C16orf46: variants seen among roughly 807,000 people sequenced by gnomAD.
C16orf46 encodes the protein uncharacterized protein C16orf46.
Under a neutral mutation model 5.5 loss-of-function variants are expected in C16orf46, and 7 were observed. The observed-to-expected ratio is 1.28, with a 90% confidence interval of 0.73 to 2.40. The LOEUF is 2.40. C16orf46 is among the 30% of genes most tolerant of loss of function. The pLI is 0.00. For missense variants in C16orf46, 614 were observed against 476.0 expected (o/e 1.29, Z -2.70); for synonymous variants, 200 against 184.1 (o/e 1.09, Z -0.70).
downstream of C16orf46, among the ~76,000 whole-genome samples, chr16:81,059,915 A>G (rs576259548): frequency 3.3e-5 from 5 of 151,696 alleles, no homozygotes; most frequent in South Asian, 1.0e-3. Flanking sequence ...CAGCCTCCTG[A>G]GTAGCTGGGA....
At chr16:81,073,447 G>A (rs747067406) in intron 1 of C16orf46, among the ~76,000 whole-genome samples, 7 of 152,164 alleles carry the variant, frequency 4.6e-5, no homozygotes, top group African/African-American at 1.4e-4. Context: ...GAAAGATAAC[G>A]TGGTAGGCAG....
rs369420529 is a variant in C16orf46, at chr16:81,063,920, T to A, written c.36A>T (p.Glu12Asp). ...DLCQKNETDL[E>D]NAENNEIQFT... is the part of the protein sequence containing the mutation. ...ACTGAATTTCATTATTTTCAGCATT[T>A]TCTAAGTCAGTCTCATTTTTCTGAC... The change falls in exon 3 of 4, where the codon GAA (glutamate) becomes GAT (aspartate). Residue 12 changes from glutamate to aspartate, a missense_variant. Glu to Asp is a conservative substitution (Grantham distance 45). Transcript: ENST00000299578. 4.3e-6 allele frequency: 7 copies of A among 1,613,572 alleles called. No individual in the cohort carries two copies. In the African/African-American group the frequency reaches 8.0e-5, roughly 18 times the overall value.
At chr16:81,067,669 C>T (rs1270582592) in intron 1 of C16orf46, among the ~76,000 whole-genome samples, 1 of 152,122 alleles carries the variant, frequency 6.6e-6, no homozygotes, top group Non-Finnish European at 1.5e-5. Context: ...TCTCCTGCCT[C>T]AGCCTCCCGA....
rs780549812 is a variant in C16orf46 at position 81,061,128 on chromosome 16, G to A, written c.*33C>T. On this transcript the variant is annotated 3_prime_UTR_variant, in exon 4 of 4. Transcript: ENST00000299578. Reference sequence around the variant, plus strand: ...GAGAAAGGATGGCTGCATCTCAAACGGTGCTTATTCCCAGGGGTTCTACCG... The same window carrying A: ...GAGAAAGGATGGCTGCATCTCAAACAGTGCTTATTCCCAGGGGTTCTACCG... 7 of 1,541,594 alleles carry A rather than the reference G, an allele frequency of 4.5e-6. No individual in the cohort carries two copies. In the Admixed American group the frequency reaches 6.2e-5, roughly 14 times the overall value.
At chr16:81,072,049 C>A in intron 1 of C16orf46, 1 of 152,344 alleles carries the variant, frequency 6.6e-6, no homozygotes, top group African/African-American at 2.4e-5. Context: ...CACAATGACC[C>A]TGGGGGTCAG....
chr16:81,071,856 G>C (rs1298646861), intron 1 of C16orf46: 1 of 152,228 alleles, frequency 6.6e-6, no homozygotes, highest in Non-Finnish European at 1.5e-5. Flanking sequence ...CGGGATCACT[G>C]TGAGAGACAG....
chr16:81,060,703 C>A (rs1971435727), downstream of C16orf46: 1 of 159,722 alleles, frequency 6.3e-6, no homozygotes, highest in Admixed American at 6.1e-5. Flanking sequence ...AATCAGCAGG[C>A]AGTTTGGTCT....
At chr16:81,064,622 C>G (rs111716798) in intron 2 of C16orf46, among the ~76,000 whole-genome samples, 3 of 152,054 alleles carry the variant, frequency 2.0e-5, no homozygotes, top group African/African-American at 7.2e-5. Context: ...TGCTGCGCAC[C>G]TGTAATCCCA....
At chr16:81,056,156 G>C (rs1332072139), downstream of C16orf46, 1 of 152,254 alleles carries the variant, frequency 6.6e-6, no homozygotes, top group South Asian at 2.1e-4. Context: ...AGTATTGGCT[G>C]CCTTTTCATA....
chr16:81,061,489 T>C lies in C16orf46; in HGVS notation c.860A>G (p.Gln287Arg), dbSNP rs2151748820. Residue 287 changes from glutamine (Q) to arginine (R), a missense_variant, in exon 4 of 4, where the codon CAG (glutamine) becomes CGG (arginine). Coordinates refer to ENST00000299578, the MANE Select transcript of C16orf46 (RefSeq NM_152337.3). ...DTPSSPSPAA[Q>R]ISLLTDPEQR... ...CTCCGGATCGGTCAGCAGGGATATCTGGGCCGCTGGGGAAGGGGAGGATGG... is the reference window on the plus strand; with the variant it reads ...CTCCGGATCGGTCAGCAGGGATATCCGGGCCGCTGGGGAAGGGGAGGATGG... The C allele has an allele frequency of 1.2e-6, 2 of 1,614,162 alleles. No homozygotes were observed. The highest frequency in any genetic ancestry group is 1.7e-6 in the Non-Finnish European group (2 of 1,180,018).
downstream of C16orf46, among the ~76,000 whole-genome samples, chr16:81,058,887 T>C (rs914855571): frequency 2.0e-5 from 3 of 152,178 alleles, no homozygotes; most frequent in African/African-American, 4.8e-5. Flanking sequence ...CTGTGAAATA[T>C]AGTTTGAGCC....
rs751802794 is a variant in C16orf46, at chr16:81,061,993, G to A, written c.356C>T (p.Thr119Ile). ...SHWSLQTKPP[T>I]EGGPEKDQSS... ...CTGATCCTTCTCTGGGCCCCCCTCAGTAGGAGGCTTGGTCTGGAGGCTCCA... is the reference window on the plus strand; with the variant it reads ...CTGATCCTTCTCTGGGCCCCCCTCAATAGGAGGCTTGGTCTGGAGGCTCCA... The change falls in exon 4 of 4, where the codon ACT becomes ATT. Residue 119 changes from threonine to isoleucine, a missense_variant. Physicochemically the swap from Thr to Ile is moderately conservative, Grantham distance 89. Transcript: ENST00000299578. 3 of 1,614,106 alleles carry A rather than the reference G, an allele frequency of 1.9e-6. No individual in the cohort carries two copies. Among genetic ancestry groups the A allele is most frequent in the Middle Eastern group, 1.6e-4 (1 of 6,062 alleles).
At position 81,061,756 on chromosome 16, in the gene C16orf46, G is replaced by C. The variant is rs757089640; in HGVS notation, c.593C>G (p.Ser198Cys). The change falls in exon 4 of 4, where the codon TCC becomes TGC. Residue 198 changes from serine (S) to cysteine (C), a missense_variant. Ser to Cys is a moderately radical substitution (Grantham distance 112). Transcript: ENST00000299578. ...CCTGGAAGTCAGGGGGCCTGGGATG[G>C]ACAGCCCTCTGTGGGCCCCTCCACT... ...NPSGGAHRGL[S>C]IPGPLTSRAL... 8.7e-6 allele frequency: 14 copies of C among 1,613,686 alleles called. 1 individual carries two copies. In the Admixed American group the frequency reaches 2.2e-4, roughly 25 times the overall value.
At chr16:81,073,514 A>G (rs1164312361) in intron 1 of C16orf46, among the ~76,000 whole-genome samples, 1 of 152,202 alleles carries the variant, frequency 6.6e-6, no homozygotes, top group African/African-American at 2.4e-5. Context: ...GATGAATAGG[A>G]TGAAATATAA....
rs776203898 is a variant in C16orf46, at chr16:81,061,284, G to A, written c.1065C>T (p.Leu355=). 5 of 1,614,140 alleles carry A rather than the reference G, an allele frequency of 3.1e-6. No homozygotes were observed. The South Asian group carries it at 5.5e-5, about 18-fold the overall frequency. Residue 355 remains leucine (L), a synonymous_variant, in exon 4 of 4, where the codon CTC becomes CTT. Transcript: ENST00000299578. The stretch of plus-strand genomic sequence containing the variant: ...GCCTGTTTTCCTGCTTGGCCTTTGG[G>A]AGAACATGCTTTCGGGTGATCACAG... The part of the protein sequence containing the change: ...RSPVITRKHV[L]PKAKQENRPQ...
At chr16:81,076,565 T>C (rs1406159610) in intron 1 of C16orf46, 1 of 152,190 alleles carries the variant, frequency 6.6e-6, no homozygotes, top group Non-Finnish European at 1.5e-5. Context: ...ATTCACTAAG[T>C]ACCTAGCACT....
downstream of C16orf46, among the ~76,000 whole-genome samples, chr16:81,056,652 C>T (rs61435632): frequency 0.073 from 10,680 of 145,700 alleles, 1,281 homozygotes; most frequent in African/African-American, 0.25. Context: ...GCCAAGATCG[C>T]GCCACAGCAC....
downstream of C16orf46, chr16:81,058,067 G>T: frequency 6.4e-6 from 1 of 155,192 alleles, no homozygotes; most frequent in Admixed American, 6.3e-5. Flanking sequence ...AACAAAACCT[G>T]AAACAGAAAT....
At position 81,061,315 on chromosome 16, in the gene C16orf46, C is replaced by A. The variant is rs1032463722; in HGVS notation, c.1034G>T (p.Arg345Ile). 4 of 1,614,172 alleles carry A rather than the reference C, an allele frequency of 2.5e-6. No homozygotes were observed. In the Admixed American group the frequency reaches 6.7e-5, roughly 27 times the overall value. ...YKSKFKAKEP[R>I]SPVITRKHVL... The stretch of plus-strand genomic sequence containing the variant: ...ATGCTTTCGGGTGATCACAGGAGAT[C>A]TTGGCTCCTTGGCTTTGAATTTGGA... Residue 345 changes from arginine to isoleucine, a missense_variant, in exon 4 of 4, where the codon AGA becomes ATA. Arg to Ile is a moderately conservative substitution (Grantham distance 97). Coordinates refer to ENST00000299578, the MANE Select transcript of C16orf46 (RefSeq NM_152337.3).
Sources: gnomAD v4.1 joint callset for allele counts (sites outside exome capture counted in the v4.1 genomes callset) on GRCh38, gnomAD v4.1.1 for gene constraint, MANE v1.5 for transcripts, NCBI Gene and HGNC (gene_info 2026-07-23, HGNC 2026-07-21) for gene names.